Variants in ZSWIM6 observed in about 807,000 individuals in gnomAD.
ZSWIM6 encodes zinc finger SWIM domain-containing protein 6.
ZSWIM6 carries 9 observed loss-of-function variants against 113.2 expected under a neutral mutation model. That is an observed-to-expected ratio of 0.08 (90% CI 0.05 to 0.14). ZSWIM6 has a LOEUF of 0.14. Among genes scored for constraint, ZSWIM6 ranks in the 10% least tolerant of loss-of-function variants. The pLI is 1.00. For missense variants in ZSWIM6, 1,162 were observed against 1,552.2 expected, an observed-to-expected ratio of 0.75 and a Z score of 4.22; for synonymous variants, 611 against 606.5, an observed-to-expected ratio of 1.01 and a Z score of -0.11.
At chr5:61,365,405 A>T (rs1316113079) in intron 1 of ZSWIM6, among the ~76,000 whole-genome samples, 1 of 152,126 alleles carries the variant, frequency 6.6e-6, no homozygotes, top group Admixed American at 6.5e-5. Flanking sequence ...TGGATAGGGA[A>T]TGGCTGACAC....
chr5:61,517,916 G>C (rs1011356997), intron 4 of ZSWIM6, among the ~76,000 whole-genome samples: 4 of 148,060 alleles, frequency 2.7e-5, no homozygotes, highest in African/African-American at 1.0e-4. Context: ...TCTAGCATTA[G>C]GTATATCTCC....
chr5:61,389,554 C>CAAAAAAAAA (rs60533774), intron 1 of ZSWIM6, among the ~76,000 whole-genome samples: 1 of 50,984 alleles, frequency 2.0e-5, no homozygotes, highest in Non-Finnish European at 3.9e-5. Flanking sequence ...GACTCAGTCT[C>CAAAAAAAAA]AAAAAAAAAA....
chr5:61,539,508 T>C, intron 11 of ZSWIM6, 88 bp from the exon 12 acceptor site: 1 of 1,383,338 alleles, frequency 7.2e-7, no homozygotes, highest in Non-Finnish European at 9.6e-7. Flanking sequence ...CCCCTCTGTG[T>C]GTGTGTATGG....
At chr5:61,348,723 G>A (rs1039659814) in intron 1 of ZSWIM6, among the ~76,000 whole-genome samples, 3 of 152,102 alleles carry the variant, frequency 2.0e-5, no homozygotes, top group Admixed American at 1.3e-4. Flanking sequence ...CTTTCAGGAA[G>A]CCTTATTTAA....
At chr5:61,408,984 C>A (rs79942193) in intron 1 of ZSWIM6, among the ~76,000 whole-genome samples, 1 of 151,212 alleles carries the variant, frequency 6.6e-6, no homozygotes, top group Non-Finnish European at 1.5e-5. Flanking sequence ...CTGACCCGAC[C>A]GCGCAGAGGC....
At chr5:61,408,407 A>G (rs982205553) in intron 1 of ZSWIM6, among the ~76,000 whole-genome samples, 1 of 152,236 alleles carries the variant, frequency 6.6e-6, no homozygotes, top group African/African-American at 2.4e-5. Context: ...GAGGGGGTCT[A>G]AAAAAGCTTT....
intron 3 of ZSWIM6, among the ~76,000 whole-genome samples, chr5:61,492,457 C>G (rs1010143779): frequency 3.3e-5 from 5 of 152,014 alleles, no homozygotes; most frequent in African/African-American, 1.2e-4. Flanking sequence ...AGCTGTTCCC[C>G]TTGTCCATTG....
At chr5:61,386,010 A>G (rs1002077307) in intron 1 of ZSWIM6, among the ~76,000 whole-genome samples, 1 of 152,190 alleles carries the variant, frequency 6.6e-6, no homozygotes, top group African/African-American at 2.4e-5. Flanking sequence ...CAGTGGCACT[A>G]TTGCCCAGCA....
intron 1 of ZSWIM6, among the ~76,000 whole-genome samples, chr5:61,384,392 TAA>T (rs1745551568): frequency 6.6e-6 from 1 of 152,144 alleles, no homozygotes; most frequent in Admixed American, 6.6e-5. Flanking sequence ...CTGAACTGAA[TAA>T]AAGTTTTTAG....
chr5:61,531,764 T>G, intron 9 of ZSWIM6, 39 bp downstream of exon 9: 2 of 1,543,682 alleles, frequency 1.3e-6, no homozygotes, highest in Non-Finnish European at 1.8e-6. Context: ...TTTAGCCAAT[T>G]TGACTTAGGT....
chr5:61,388,709 A>C (rs1442854925), intron 1 of ZSWIM6, among the ~76,000 whole-genome samples: 5 of 152,254 alleles, frequency 3.3e-5, no homozygotes, highest in African/African-American at 1.2e-4. Context: ...TGGCTCAAAA[A>C]TATCTATACT....
In ZSWIM6 at chr5:61,347,415, A is replaced by C. The variant is rs139432867; in HGVS notation, c.676+14467A>C. The C allele has an allele frequency of 3.6e-3, 583 of 162,928 alleles. 1 individual carries two copies. Among genetic ancestry groups the C allele is most frequent in the Non-Finnish European group, 6.2e-3 (442 of 71,060 alleles). The allele number at this position is 162,928 out of a possible 1,614,324, so 10.1% of individuals were successfully genotyped here. On this transcript the variant is annotated intron_variant, in intron 1 of 13. Coordinates refer to ENST00000252744, the MANE Select transcript of ZSWIM6 (RefSeq NM_020928.2). ...GACCATGGAGCAGTGAGTTTCCATC[A>C]TTTGGAAGTTTCAGGATGAGAAGTT...
chr5:61,375,654 A>G (rs1458502282), intron 1 of ZSWIM6: 1 of 1,544,796 alleles, frequency 6.5e-7, no homozygotes, highest in Admixed American at 2.0e-5. Context: ...GCAAAAAGAG[A>G]AAGATGTATT....
chr5:61,362,907 A>G (rs1420330112), intron 1 of ZSWIM6, among the ~76,000 whole-genome samples: 1 of 152,246 alleles, frequency 6.6e-6, no homozygotes, highest in Non-Finnish European at 1.5e-5. Context: ...AATAACAGAA[A>G]CAGATTTTCA....
At chr5:61,483,223 G>A (rs1267591572) in intron 2 of ZSWIM6, among the ~76,000 whole-genome samples, 1 of 152,054 alleles carries the variant, frequency 6.6e-6, no homozygotes, top group Non-Finnish European at 1.5e-5. Context: ...CGCTAGCTTA[G>A]GTATCTCTTC....
intron 1 of ZSWIM6, among the ~76,000 whole-genome samples, chr5:61,423,815 G>C (rs1412545660): frequency 6.6e-6 from 1 of 152,178 alleles, no homozygotes; most frequent in East Asian, 1.9e-4. Flanking sequence ...TGAAAGTTCA[G>C]CTTTTCCTTT....
intron 8 of ZSWIM6, 89 bp from the exon 9 acceptor site, chr5:61,531,376 C>T (rs762914441): frequency 8.6e-6 from 12 of 1,395,106 alleles, no homozygotes; most frequent in African/African-American, 1.4e-5. Context: ...AATTCATTTG[C>T]TTGTACGGGG....
intron 2 of ZSWIM6, among the ~76,000 whole-genome samples, chr5:61,484,429 T>TA (rs533453383): frequency 1.3e-5 from 2 of 152,202 alleles, no homozygotes; most frequent in Non-Finnish European, 2.9e-5. Flanking sequence ...AGTAGCTAAT[T>TA]AGAGTTTTCC....
intron 1 of ZSWIM6, among the ~76,000 whole-genome samples, chr5:61,464,778 C>G (rs1274403340): frequency 6.6e-6 from 1 of 152,144 alleles, no homozygotes; most frequent in African/African-American, 2.4e-5. Flanking sequence ...CAAGCATTTC[C>G]AAAGGTTGTT....
Sources: gnomAD v4.1 joint callset for allele counts (sites outside exome capture counted in the v4.1 genomes callset) on GRCh38, gnomAD v4.1.1 for gene constraint, MANE v1.5 for transcripts, NCBI Gene and HGNC (gene_info 2026-07-23, HGNC 2026-07-21) for gene names.